COL23A1: variants seen among roughly 807,000 people sequenced by gnomAD.
COL23A1 encodes collagen alpha-1(XXIII) chain.
A neutral mutation model predicts 99.3 loss-of-function variants in COL23A1; 97 were observed. The observed-to-expected ratio is 0.98, with a 90% CI of 0.83 to 1.16. The LOEUF is 1.16. Ranked by LOEUF, COL23A1 falls within the 50% of genes most tolerant of loss-of-function variation. COL23A1 has a pLI of 0.00. For missense variants in COL23A1, 762 were observed against 757.4 expected (o/e 1.01, Z -0.07); for synonymous variants, 320 against 308.2 (o/e 1.04, Z -0.40).
At position 178,239,199 on chromosome 5, in the gene COL23A1, C is replaced by T. The variant is rs1764262740; in HGVS notation, c.1582-20G>A. ...GGGGCCCTGGAAAGGAAGAAGGTTT[C>T]AGTGATGGGGATGGGGCCTGGGGAG... On this transcript the variant is annotated intron_variant, in intron 27 of 28. Coordinates refer to ENST00000390654, the MANE Select transcript of COL23A1 (RefSeq NM_173465.4). The T allele has an allele frequency of 1.2e-6, 2 of 1,614,004 alleles. No individual in the cohort carries two copies. The highest frequency in any genetic ancestry group is 1.7e-6 in the Non-Finnish European group (2 of 1,179,908).
intron 3 of COL23A1, among the ~76,000 whole-genome samples, chr5:178,299,461 T>G (rs1561838891): frequency 6.6e-6 from 1 of 152,174 alleles, no homozygotes; most frequent in Non-Finnish European, 1.5e-5. Context: ...TTCCTTTTAA[T>G]CCTTTTCATT....
At chr5:178,263,854 A>G (rs189283995) in intron 8 of COL23A1, among the ~76,000 whole-genome samples, 3 of 152,334 alleles carry the variant, frequency 2.0e-5, no homozygotes, top group African/African-American at 7.2e-5. Context: ...CATCCACATC[A>G]TGGAACACAA....
At chr5:178,320,356 G>C (rs755217175) in intron 2 of COL23A1, among the ~76,000 whole-genome samples, 1 of 152,156 alleles carries the variant, frequency 6.6e-6, no homozygotes, top group African/African-American at 2.4e-5. Flanking sequence ...ACCTGAATCG[G>C]GAAGAAGTGG....
At chr5:178,243,534 C>T (rs1764521161) in intron 25 of COL23A1, among the ~76,000 whole-genome samples, 2 of 151,150 alleles carry the variant, frequency 1.3e-5, no homozygotes, top group African/African-American at 2.4e-5. Flanking sequence ...GAATTGGATT[C>T]GACATGGTCC....
chr5:178,303,467 C>T (rs1758179715), intron 3 of COL23A1, among the ~76,000 whole-genome samples: 1 of 152,188 alleles, frequency 6.6e-6, no homozygotes, highest in African/African-American at 2.4e-5. Context: ...GTCCATCTTC[C>T]CCCTTGTTTT....
At position 178,415,728 on chromosome 5, in the gene COL23A1, G is replaced by A. The variant is rs1034930858; in HGVS notation, c.362-108809C>T. On this transcript the variant is annotated intron_variant, in intron 2 of 28. Transcript: ENST00000390654. This position sits in a 1 kb window ranked among gnomAD's most constrained non-coding sequence, Gnocchi z 4.6. ...GTGCCCGAGCCCTGCTGCACAAGGG[G>A]ATGCAGAAGAGTGAGCACGAGGTTC... Among the ~76,000 whole-genome samples, 1 of 152,232 alleles carries A rather than the reference G, an allele frequency of 6.6e-6. No individual in the cohort carries two copies. The highest frequency in any genetic ancestry group is 1.5e-5 in the Non-Finnish European group (1 of 68,038).
intron 12 of COL23A1, 53 bp from the exon 13 acceptor site, chr5:178,257,620 G>A (rs1765379846): frequency 6.5e-7 from 1 of 1,530,030 alleles, no homozygotes; most frequent in East Asian, 2.4e-5. Flanking sequence ...TGGCCAGTGG[G>A]CCCCTCCCTC....
chr5:178,425,102 A>T (rs1415141374), intron 2 of COL23A1, among the ~76,000 whole-genome samples: 1 of 152,204 alleles, frequency 6.6e-6, no homozygotes, highest in Non-Finnish European at 1.5e-5. Context: ...GAAAAACGCA[A>T]AGCAGCCTGT....
At chr5:178,539,275 G>A (rs187472070) in intron 2 of COL23A1, among the ~76,000 whole-genome samples, 279 of 152,200 alleles carry the variant, frequency 1.8e-3, no homozygotes, top group African/African-American at 4.4e-3. Flanking sequence ...GGCCGAGCAC[G>A]GTGGCTCACG....
chr5:178,531,921 A>C (rs544259172), intron 2 of COL23A1, among the ~76,000 whole-genome samples: 2 of 152,296 alleles, frequency 1.3e-5, no homozygotes, highest in South Asian at 4.1e-4. Context: ...CCGAACCACA[A>C]CACCAAACTC....
At chr5:178,456,566 C>A (rs540612025) in intron 2 of COL23A1, among the ~76,000 whole-genome samples, 1 of 152,066 alleles carries the variant, frequency 6.6e-6, no homozygotes, top group African/African-American at 2.4e-5. Flanking sequence ...GGCGTGGTGG[C>A]GAATGCCTGT....
rs1256123754 is a variant in COL23A1, at chr5:178,390,476, G to A, written c.362-83557C>T. On this transcript the variant is annotated intron_variant, in intron 2 of 28. Transcript: ENST00000390654. ...CAGCTGCTCTCCCGAGGGTCCCCTG[G>A]CACAGAACCCCCTCATGTTCTCACC... is the stretch of plus-strand genomic sequence containing the variant. Among the ~76,000 whole-genome samples the A allele has an allele frequency of 3.9e-5, 6 of 152,328 alleles. No individual in the cohort carries two copies. The South Asian group carries it at 6.2e-4, about 16-fold the overall frequency.
intron 2 of COL23A1, among the ~76,000 whole-genome samples, chr5:178,404,572 G>T (rs1764650342): frequency 6.6e-6 from 1 of 152,198 alleles, no homozygotes; most frequent in Non-Finnish European, 1.5e-5. Flanking sequence ...TGGTGAACCT[G>T]GCCCAGCCCC....
chr5:178,314,985 G>A (rs779053672), intron 2 of COL23A1, among the ~76,000 whole-genome samples: 16 of 152,152 alleles, frequency 1.1e-4, no homozygotes, highest in Non-Finnish European at 2.2e-4. Context: ...AGCTGCCCAG[G>A]ATGTCTCTCA....
At chr5:178,445,658 C>T (rs772386372) in intron 2 of COL23A1, among the ~76,000 whole-genome samples, 10 of 151,878 alleles carry the variant, frequency 6.6e-5, no homozygotes, top group Non-Finnish European at 1.3e-4. Context: ...GAAACTACAT[C>T]GAAAAGATGA....
At chr5:178,346,730 C>G (rs1460409116) in intron 2 of COL23A1, among the ~76,000 whole-genome samples, 1 of 152,160 alleles carries the variant, frequency 6.6e-6, no homozygotes, top group Non-Finnish European at 1.5e-5. Context: ...TCCTTCCCCC[C>G]GAAAAGATCA....
chr5:178,334,063 C>T (rs1434885773), intron 2 of COL23A1, among the ~76,000 whole-genome samples: 2 of 152,150 alleles, frequency 1.3e-5, no homozygotes, highest in Admixed American at 1.3e-4. Flanking sequence ...CCCTGTCCTC[C>T]ACCCCATGCC....
At chr5:178,251,736 G>A (rs1332489546) in intron 17 of COL23A1, among the ~76,000 whole-genome samples, 2 of 152,090 alleles carry the variant, frequency 1.3e-5, no homozygotes, top group Admixed American at 1.3e-4. Context: ...GCAGCTATAA[G>A]ACAAATGCTT....
At chr5:178,247,684 C>A (rs897305457) in intron 21 of COL23A1, 91 bp downstream of exon 21, 4 of 1,549,254 alleles carry the variant, frequency 2.6e-6, no homozygotes, top group Non-Finnish European at 3.6e-6. Context: ...GAAGCCCGCT[C>A]TCTCCTGGGT....
Sources: allele counts gnomAD v4.1 joint callset (sites outside exome capture counted in the v4.1 genomes callset), GRCh38; gene constraint gnomAD v4.1.1; non-coding constraint Gnocchi (gnomAD v3.1); transcripts MANE v1.5; gene names NCBI Gene and HGNC (gene_info 2026-07-23, HGNC 2026-07-21).